FAM227A: variants seen among roughly 807,000 people sequenced by gnomAD.
The protein encoded by FAM227A is family with sequence similarity 227 member A.
In FAM227A, 80 loss-of-function variants were observed where a neutral mutation model predicts 74.7. The ratio of observed to expected loss-of-function variants is 1.07; its 90% CI spans 0.89 to 1.29. The LOEUF is 1.29. Among genes scored for constraint, FAM227A ranks in the 50% most tolerant of loss-of-function variants. FAM227A has a pLI of 0.00. For missense variants in FAM227A, 654 were observed against 683.4 expected (o/e 0.96, Z 0.48); for synonymous variants, 237 against 241.8 (o/e 0.98, Z 0.19).
At chr22:38,637,584 T>C (rs1378847762) in intron 5 of FAM227A, among the ~76,000 whole-genome samples, 4 of 152,226 alleles carry the variant, frequency 2.6e-5, no homozygotes, top group Non-Finnish European at 4.4e-5. Context: ...GCTCTGGCCA[T>C]GGTCAATGAA....
At position 38,591,543 on chromosome 22, in the gene FAM227A, G is replaced by A. The variant is rs1280497354; in HGVS notation, c.1533-3C>T. The A allele has an allele frequency of 6.5e-7, 1 of 1,537,278 alleles. No individual in the cohort carries two copies. Among genetic ancestry groups the A allele is most frequent in the Non-Finnish European group, 8.8e-7 (1 of 1,141,176 alleles). On this transcript the variant is annotated splice_polypyrimidine_tract_variant and splice_region_variant and intron_variant, in intron 15 of 16. Coordinates refer to ENST00000535113, the MANE Select transcript of FAM227A (RefSeq NM_001013647.2). ...TTGGATCAATATTCTTCATTTCCCT[G>A]GGAGGAAAACACAGAGACATATGGA... is the stretch of plus-strand genomic sequence containing the variant.
intron 12 of FAM227A, 144 bp from the exon 13 acceptor site, chr22:38,605,492 G>A: frequency 1.7e-6 from 1 of 604,886 alleles, no homozygotes. Context: ...GTTTCGCCAT[G>A]TTGACCAAGC....
At chr22:38,609,761 TTTC>T (rs944239572) in intron 11 of FAM227A, among the ~76,000 whole-genome samples, 3 of 151,492 alleles carry the variant, frequency 2.0e-5, no homozygotes, top group African/African-American at 7.3e-5. Context: ...GCTCATTCTT[TTTC>T]TTTTCTTTCT....
Position 38,578,281 on chromosome 22 carries a change from G to A in FAM227A, c.*7844C>T, listed in dbSNP as rs1036890670. 1 of 152,230 alleles carries A rather than the reference G, an allele frequency of 6.6e-6. No homozygotes were observed. Among genetic ancestry groups the A allele is most frequent in the African/African-American group, 2.4e-5 (1 of 41,546 alleles). 9.4% of individuals were successfully genotyped at this position (152,230 alleles called of 1,614,324 possible). A position where few individuals can be genotyped will look rare whatever the true frequency, so the allele number is the denominator to read the frequency against. On this transcript the variant is annotated 3_prime_UTR_variant, in exon 17 of 17. Transcript: ENST00000535113. ...GAAGGCTAAGAGTCGCTAGGTGATAGGAATTGTTTAGTTCCATTATAATCT... is the reference window on the plus strand; with the variant it reads ...GAAGGCTAAGAGTCGCTAGGTGATAAGAATTGTTTAGTTCCATTATAATCT...
intron 13 of FAM227A, among the ~76,000 whole-genome samples, chr22:38,602,448 G>C (rs900989492): frequency 2.6e-5 from 4 of 151,262 alleles, no homozygotes; most frequent in Non-Finnish European, 5.9e-5. Flanking sequence ...GGAATTTATA[G>C]ATCATTTGGT....
intron 14 of FAM227A, among the ~76,000 whole-genome samples, chr22:38,599,018 G>A (rs973641363): frequency 6.0e-5 from 9 of 150,182 alleles, no homozygotes; most frequent in Non-Finnish European, 1.2e-4. Flanking sequence ...GTGCAATGGC[G>A]TGATCTCGGG....
chr22:38,616,666 C>CAA (rs1034004176), intron 11 of FAM227A, among the ~76,000 whole-genome samples: 11 of 112,012 alleles, frequency 9.8e-5, no homozygotes, highest in African/African-American at 2.6e-4. Flanking sequence ...AACTCCATCT[C>CAA]AAAAAAAAAA....
intron 11 of FAM227A, among the ~76,000 whole-genome samples, chr22:38,610,366 C>T (rs1178234638): frequency 1.3e-5 from 2 of 152,108 alleles, no homozygotes; most frequent in African/African-American, 4.8e-5. Context: ...GAGAGTTCTG[C>T]GGTGGAGCAG....
intron 2 of FAM227A, among the ~76,000 whole-genome samples, chr22:38,649,103 C>T (rs2092286607): frequency 1.3e-5 from 2 of 152,160 alleles, no homozygotes; most frequent in Admixed American, 6.6e-5. Flanking sequence ...ATGGCAACCA[C>T]TTTTTAAAAT....
chr22:38,654,662 G>A (rs1391055275), intron 1 of FAM227A, among the ~76,000 whole-genome samples: 1 of 151,326 alleles, frequency 6.6e-6, no homozygotes, highest in Non-Finnish European at 1.5e-5. Context: ...TGGGCGCGGT[G>A]GCTCACGCCT....
chr22:38,648,422 A>C (rs7290979), intron 2 of FAM227A, among the ~76,000 whole-genome samples: 45,181 of 151,012 alleles, frequency 0.3, 7,305 homozygotes, highest in East Asian at 0.36. Flanking sequence ...AACCTGACCA[A>C]CATGGAGAAA....
At chr22:38,652,387 G>A (rs961223449) in intron 1 of FAM227A, among the ~76,000 whole-genome samples, 3 of 151,680 alleles carry the variant, frequency 2.0e-5, no homozygotes, top group Admixed American at 2.0e-4. Context: ...AGGAGATCGA[G>A]ACCATCTGGC....
intron 14 of FAM227A, among the ~76,000 whole-genome samples, chr22:38,597,864 A>C (rs1175993548): frequency 6.6e-6 from 1 of 152,106 alleles, no homozygotes; most frequent in Non-Finnish European, 1.5e-5. Context: ...TAACACTGTG[A>C]AATCCCATCT....
intron 11 of FAM227A, among the ~76,000 whole-genome samples, chr22:38,617,903 C>T (rs538983858): frequency 4.6e-5 from 7 of 152,058 alleles, no homozygotes; most frequent in South Asian, 2.1e-4. Flanking sequence ...TCCAGGAGGA[C>T]GCCACAGCAC....
At chr22:38,586,223 A>C in intron 16 of FAM227A, 24 bp from the exon 17 acceptor site, 1 of 1,547,908 alleles carries the variant, frequency 6.5e-7, no homozygotes. Context: ...AAACGAACAA[A>C]AACAAAAATT....
intron 14 of FAM227A, among the ~76,000 whole-genome samples, chr22:38,597,611 T>C (rs1418613113): frequency 4.6e-5 from 7 of 152,200 alleles, no homozygotes; most frequent in African/African-American, 1.7e-4. Context: ...AGTCCTTCTC[T>C]GCCCCTGTGG....
chr22:38,601,737 A>G (rs538807996), intron 13 of FAM227A, among the ~76,000 whole-genome samples: 5 of 152,220 alleles, frequency 3.3e-5, no homozygotes, highest in South Asian at 4.2e-4. Flanking sequence ...ATGATAAAGG[A>G]GAACTGGCAA....
intron 4 of FAM227A, among the ~76,000 whole-genome samples, chr22:38,639,396 G>A (rs1379189057): frequency 4.1e-5 from 6 of 147,582 alleles, no homozygotes; most frequent in Admixed American, 2.7e-4. Flanking sequence ...GAGACAGAGC[G>A]AGACTCCGTC....
At chr22:38,593,808 A>G (rs7288443) in intron 15 of FAM227A, among the ~76,000 whole-genome samples, 53,486 of 151,940 alleles carry the variant, frequency 0.35, 9,765 homozygotes, top group East Asian at 0.47. Flanking sequence ...CTCCTGCCTC[A>G]GCATCCCAAG....
Sources: allele counts gnomAD v4.1 joint callset (sites outside exome capture counted in the v4.1 genomes callset), GRCh38; gene constraint gnomAD v4.1.1; transcripts MANE v1.5; gene names NCBI Gene and HGNC (gene_info 2026-07-23, HGNC 2026-07-21).